The following SEMA5A variants were observed in gnomAD, a reference collection of about 807,000 sequenced individuals.
SEMA5A encodes semaphorin-5A.
SEMA5A carries 55 observed loss-of-function variants against 135.5 expected under a neutral mutation model. That is an observed-to-expected ratio of 0.41 (90% CI 0.33 to 0.51). The LOEUF is 0.51. Among genes scored for constraint, SEMA5A ranks in the 20% least tolerant of loss-of-function variants. The pLI is 0.37. For synonymous variants in SEMA5A, 580 were observed against 546.5 expected, an observed-to-expected ratio of 1.06 and a Z score of -0.85; for missense variants, 1,290 against 1,419.9, an observed-to-expected ratio of 0.91 and a Z score of 1.47.
intron 3 of SEMA5A, among the ~76,000 whole-genome samples, chr5:9,349,845 T>A (rs1754035316): frequency 6.6e-6 from 1 of 152,028 alleles, no homozygotes. Context: ...GAGGTTGCAG[T>A]GTGCCGAGAT....
intron 1 of SEMA5A, among the ~76,000 whole-genome samples, chr5:9,474,700 T>C (rs978271922): frequency 2.0e-5 from 3 of 152,150 alleles, no homozygotes; most frequent in African/African-American, 7.2e-5. Context: ...TTCCACTCTG[T>C]ATGGTGGTAA....
At chr5:9,482,018 CAT>C (rs1440668772) in intron 1 of SEMA5A, among the ~76,000 whole-genome samples, 1 of 152,200 alleles carries the variant, frequency 6.6e-6, no homozygotes, top group Non-Finnish European at 1.5e-5. Flanking sequence ...GTCAACAAAA[CAT>C]AAAGAGTTTC....
In SEMA5A at chr5:9,400,501, A is replaced by ATTTTTTTTTTTTTTT. The variant is rs1215358817; in HGVS notation, c.-77-20493_-77-20479dup. On this transcript the variant is annotated intron_variant, in intron 2 of 22. Coordinates refer to ENST00000382496, the MANE Select transcript of SEMA5A (RefSeq NM_003966.3). ...CTTCAATAGTTTGAACACAATGTAC[A>ATTTTTTTTTTTTTTT]TTTTTTTTTTTTTTTTTTTTTTTGA... is the stretch of plus-strand genomic sequence containing the variant. 7.0e-4 allele frequency among the ~76,000 whole-genome samples: 61 copies of ATTTTTTTTTTTTTTT among 87,012 alleles called. 6 individuals are homozygous for ATTTTTTTTTTTTTTT. The highest frequency in any genetic ancestry group is 3.0e-3 in the African/African-American group (58 of 19,658). The allele number at this position is 87,012 out of a possible 152,430, so 57.1% of individuals were successfully genotyped here.
At chr5:9,146,702 G>A (rs1742357346) in intron 12 of SEMA5A, among the ~76,000 whole-genome samples, 1 of 152,142 alleles carries the variant, frequency 6.6e-6, no homozygotes, top group Admixed American at 6.6e-5. Context: ...TACACTCTGA[G>A]TCCTCTGAAG....
chr5:9,066,185 T>G (rs1737453132), intron 17 of SEMA5A, among the ~76,000 whole-genome samples: 1 of 152,224 alleles, frequency 6.6e-6, no homozygotes, highest in Non-Finnish European at 1.5e-5. Context: ...ATAAATATAG[T>G]GTTATCTGGG....
intron 7 of SEMA5A, 143 bp from the exon 8 acceptor site, chr5:9,225,030 T>C: frequency 1.5e-6 from 1 of 654,488 alleles, no homozygotes; most frequent in Non-Finnish European, 2.6e-6. Context: ...AACTTTTACA[T>C]TCCAACTGAT....
At chr5:9,287,575 T>A (rs1421493516) in intron 5 of SEMA5A, among the ~76,000 whole-genome samples, 1 of 152,244 alleles carries the variant, frequency 6.6e-6, no homozygotes, top group Non-Finnish European at 1.5e-5. Flanking sequence ...AAATAAATTA[T>A]ATCAATTTTC....
intron 1 of SEMA5A, among the ~76,000 whole-genome samples, chr5:9,456,140 C>A (rs1758825334): frequency 6.6e-6 from 1 of 152,210 alleles, no homozygotes; most frequent in Admixed American, 6.5e-5. Flanking sequence ...TAAAGCAAAT[C>A]TTTCTAGATT....
chr5:9,327,563 G>A (rs567187246), intron 4 of SEMA5A, among the ~76,000 whole-genome samples: 5 of 152,094 alleles, frequency 3.3e-5, no homozygotes, highest in Non-Finnish European at 7.4e-5. Flanking sequence ...AAAATAGATG[G>A]ATAGTCTCTT....
Position 9,036,133 on chromosome 5 carries a change from A to G in SEMA5A, c.*6764T>C, listed in dbSNP as rs1185347088. 6.6e-6 allele frequency: 1 copy of G among 152,120 alleles called. No homozygotes were observed. The highest frequency in any genetic ancestry group is 1.5e-5 in the Non-Finnish European group (1 of 68,016). The allele number at this position is 152,120 out of a possible 1,614,324, so 9.4% of individuals were successfully genotyped here. ...TTGAAGAATCCAACATTGGACCAAAAGTTTGTGCATTTTCTTGCAGATGAT... is the reference window on the plus strand; with the variant it reads ...TTGAAGAATCCAACATTGGACCAAAGGTTTGTGCATTTTCTTGCAGATGAT... On this transcript the variant is annotated 3_prime_UTR_variant, in exon 23 of 23. Coordinates refer to ENST00000382496, the MANE Select transcript of SEMA5A (RefSeq NM_003966.3).
chr5:9,505,140 CA>C (rs201153184), intron 1 of SEMA5A, among the ~76,000 whole-genome samples: 4,801 of 140,628 alleles, frequency 0.034, 201 homozygotes, highest in African/African-American at 0.1. Flanking sequence ...AATTCTAAAA[CA>C]AAAAAAAAAA....
chr5:9,152,850 T>C (rs1249108454), intron 12 of SEMA5A, among the ~76,000 whole-genome samples: 1 of 152,150 alleles, frequency 6.6e-6, no homozygotes, highest in Non-Finnish European at 1.5e-5. Flanking sequence ...GGCAGGTGGA[T>C]CACTCAAGGT....
intron 4 of SEMA5A, among the ~76,000 whole-genome samples, chr5:9,329,418 C>T (rs1046461634): frequency 2.0e-5 from 3 of 152,208 alleles, no homozygotes; most frequent in Non-Finnish European, 2.9e-5. Context: ...CAGGAGGCAA[C>T]TCTGGGGCCC....
rs149470030 is a variant in SEMA5A at position 9,506,835 on chromosome 5, A to G, written c.-175+38749T>C. ...ATGCTGAAATCATGCCTCCCCCTCT[A>G]TGTGCTATCCGAGGATCACTGTGTT... On this transcript the variant is annotated intron_variant, in intron 1 of 22. Coordinates refer to ENST00000382496, the MANE Select transcript of SEMA5A (RefSeq NM_003966.3). Among the ~76,000 whole-genome samples, 277 of 152,246 alleles carry G rather than the reference A, an allele frequency of 1.8e-3. 2 individuals are homozygous for G. The highest frequency in any genetic ancestry group is 6.5e-3 in the African/African-American group (269 of 41,552).
chr5:9,131,644 AAAAAAAAAAAAAAAC>A (rs2150207164), intron 13 of SEMA5A, among the ~76,000 whole-genome samples: 2 of 40,176 alleles, frequency 5.0e-5, no homozygotes, highest in East Asian at 5.8e-4. Context: ...AAAAAAAAAA[AAAAAAAAAAAAAAAC>A]CTGTCATGTG....
chr5:9,313,848 T>C (rs565395180), intron 5 of SEMA5A, among the ~76,000 whole-genome samples: 34 of 152,200 alleles, frequency 2.2e-4, no homozygotes, highest in African/African-American at 7.2e-4. Flanking sequence ...AGTTGGAAAA[T>C]AGCCTACAGT....
At chr5:9,168,657 G>T (rs1201590239) in intron 11 of SEMA5A, among the ~76,000 whole-genome samples, 1 of 152,204 alleles carries the variant, frequency 6.6e-6, no homozygotes, top group Non-Finnish European at 1.5e-5. Context: ...AGTGACAGGG[G>T]CTGGATGTAC....
At position 9,461,688 on chromosome 5, in the gene SEMA5A, G is replaced by A. The variant is rs557068789; in HGVS notation, c.-174-23836C>T. Among the ~76,000 whole-genome samples, 84 of 152,186 alleles carry A rather than the reference G, an allele frequency of 5.5e-4. 1 individual carries two copies. In the South Asian group the frequency reaches 0.016, roughly 28 times the overall value. On this transcript the variant is annotated intron_variant, in intron 1 of 22. Coordinates refer to ENST00000382496, the MANE Select transcript of SEMA5A (RefSeq NM_003966.3). ...CCTGAAGGATGCATCTGTAAGAAGC[G>A]GTGTAATTAGAGATACTTCACTGCA...
chr5:9,264,813 A>G (rs1164574051), intron 5 of SEMA5A, among the ~76,000 whole-genome samples: 1 of 143,350 alleles, frequency 7.0e-6, no homozygotes, highest in Non-Finnish European at 1.6e-5. Flanking sequence ...AGTAAAATGA[A>G]TCTAGTTCTT....
Sources: gnomAD v4.1 joint callset for allele counts (sites outside exome capture counted in the v4.1 genomes callset) on GRCh38, gnomAD v4.1.1 for gene constraint, MANE v1.5 for transcripts, NCBI Gene and HGNC (gene_info 2026-07-23, HGNC 2026-07-21) for gene names.